Variants in ARHGEF26 observed in about 807,000 individuals in gnomAD.
ARHGEF26 encodes Rho guanine nucleotide exchange factor 26.
A neutral mutation model predicts 89.4 loss-of-function variants in ARHGEF26; 59 were observed. That is an observed-to-expected ratio of 0.66 (90% CI 0.54 to 0.82). The LOEUF is 0.82. Among genes scored for constraint, ARHGEF26 ranks in the 40% least tolerant of loss-of-function variants. The pLI, the probability that ARHGEF26 is intolerant of heterozygous loss-of-function variation, is 0.00. For missense variants in ARHGEF26, 1,234 were observed against 1,085.6 expected (o/e 1.14, Z -1.92); for synonymous variants, 500 against 428.4 (o/e 1.17, Z -2.06).
chr3:154,137,181 C>T (rs555853843), intron 4 of ARHGEF26, among the ~76,000 whole-genome samples: 7 of 152,180 alleles, frequency 4.6e-5, no homozygotes, highest in Admixed American at 1.3e-4. Context: ...GCTCTGCCTG[C>T]GTGAATAGAT....
At position 154,256,061 on chromosome 3, in the gene ARHGEF26, C is replaced by CTTTT; in HGVS notation, c.*590_*593dup. 1.0e-6 allele frequency: 1 copy of CTTTT among 985,284 alleles called. No individual in the cohort carries two copies. The allele number at this position is 985,284 out of a possible 1,614,324, so 61.0% of individuals were successfully genotyped here. On this transcript the variant is annotated 3_prime_UTR_variant, in exon 15 of 15. Coordinates refer to ENST00000465093, the MANE Select transcript of ARHGEF26 (RefSeq NM_015595.4). ...ACATTGACACTTGAATTTTTGTCAC[C>CTTTT]TTTTTCCTCATTAGAAGGAAAGTAG...
Position 154,256,561 on chromosome 3 carries a change from A to AAC in ARHGEF26, c.*1089_*1090insCA. 1.0e-6 allele frequency: 1 copy of AAC among 995,778 alleles called. No homozygotes were observed. Among genetic ancestry groups the AAC allele is most frequent in the Non-Finnish European group, 1.2e-6 (1 of 837,124 alleles). 61.7% of individuals were successfully genotyped at this position (995,778 alleles called of 1,614,324 possible). A position where few individuals can be genotyped will look rare whatever the true frequency, so the allele number is the denominator to read the frequency against. ...TTTCTAATTAATTAAAAAAAAAAAAAAAAAAAAAAAAAAACCTTCCCAAAT... is the reference window on the plus strand; with the variant it reads ...TTTCTAATTAATTAAAAAAAAAAAAAACAAAAAAAAAAAAAACCTTCCCAAAT... On this transcript the variant is annotated 3_prime_UTR_variant, in exon 15 of 15. Transcript: ENST00000465093.
At chr3:154,162,826 G>GGAAT (rs753010909) in intron 6 of ARHGEF26, among the ~76,000 whole-genome samples, 4 of 152,072 alleles carry the variant, frequency 2.6e-5, no homozygotes, top group African/African-American at 4.8e-5. Flanking sequence ...GCTTGGGAAA[G>GGAAT]GAATGAATGA....
chr3:154,229,192 T>C (rs1189615580), intron 11 of ARHGEF26, among the ~76,000 whole-genome samples: 2 of 152,092 alleles, frequency 1.3e-5, no homozygotes, highest in Non-Finnish European at 2.9e-5. Context: ...AAAAACAAGC[T>C]TATTTTAATT....
intron 4 of ARHGEF26, 138 bp downstream of exon 4, chr3:154,129,857 T>C (rs1478192268): frequency 5.8e-6 from 6 of 1,030,520 alleles, no homozygotes; most frequent in Non-Finnish European, 8.3e-6. Flanking sequence ...GTGAAATGTT[T>C]CTCGGAACTC....
chr3:154,161,296 G>GAAATGTAAAAAGCCTC (rs1711648697), intron 6 of ARHGEF26, among the ~76,000 whole-genome samples: 1 of 21,990 alleles, frequency 4.5e-5, no homozygotes, highest in South Asian at 1.9e-3. Flanking sequence ...TATTACAGCA[G>GAAATGTAAAAAGCCTC]AAATATAAAA....
intron 11 of ARHGEF26, among the ~76,000 whole-genome samples, chr3:154,235,213 G>A (rs1717048029): frequency 6.6e-6 from 1 of 152,030 alleles, no homozygotes; most frequent in Non-Finnish European, 1.5e-5. Flanking sequence ...ATTAATTTAG[G>A]AGGAATTGGT....
Position 154,147,959 on chromosome 3 carries a change from A to G in ARHGEF26, c.1270-1430A>G, listed in dbSNP as rs1719797207. On this transcript the variant is annotated intron_variant, in intron 4 of 14. Transcript: ENST00000465093. Reference sequence around the variant, plus strand: ...CTCCCCTCTTGGGTTTCATCTCTCCACCTTGATCAGTCTCTGAAATCTTCT... The same window carrying G: ...CTCCCCTCTTGGGTTTCATCTCTCCGCCTTGATCAGTCTCTGAAATCTTCT... Among the ~76,000 whole-genome samples, 3 of 151,594 alleles carry G rather than the reference A, an allele frequency of 2.0e-5. No homozygotes were observed. The South Asian group carries it at 6.2e-4, about 32-fold the overall frequency.
chr3:154,124,224 A>T (rs1009910992), intron 2 of ARHGEF26, among the ~76,000 whole-genome samples, 186 bp from the exon 3 acceptor site: 2 of 152,096 alleles, frequency 1.3e-5, no homozygotes, highest in African/African-American at 4.8e-5. Context: ...TGTTTCAGTG[A>T]ATTGTAGTGA....
chr3:154,209,960 C>T (rs1025833947), intron 9 of ARHGEF26, among the ~76,000 whole-genome samples: 2 of 152,196 alleles, frequency 1.3e-5, no homozygotes, highest in Non-Finnish European at 2.9e-5. Context: ...ACTCAAACCA[C>T]AAGATGCAGT....
intron 9 of ARHGEF26, among the ~76,000 whole-genome samples, chr3:154,209,071 G>A (rs1187949662): frequency 6.6e-6 from 1 of 151,914 alleles, no homozygotes; most frequent in African/African-American, 2.4e-5. Flanking sequence ...CTGGCCGCCA[G>A]TTGCATTTTT....
chr3:154,183,874 A>G (rs188508429), intron 6 of ARHGEF26, among the ~76,000 whole-genome samples: 1 of 152,344 alleles, frequency 6.6e-6, no homozygotes, highest in Admixed American at 6.5e-5. Flanking sequence ...TCAGGCTGGT[A>G]ACAGTGTAAG....
chr3:154,189,087 G>C (rs932083005), intron 7 of ARHGEF26, among the ~76,000 whole-genome samples: 2 of 152,036 alleles, frequency 1.3e-5, no homozygotes, highest in South Asian at 2.1e-4. Context: ...GGTGGGAACC[G>C]CTGCTATAGG....
intron 11 of ARHGEF26, among the ~76,000 whole-genome samples, chr3:154,237,079 A>T (rs1436012103): frequency 6.6e-6 from 1 of 152,176 alleles, no homozygotes; most frequent in Admixed American, 6.5e-5. Flanking sequence ...TTATCATTCA[A>T]ACTGGACATT....
chr3:154,185,689 T>G (rs1032100834), intron 6 of ARHGEF26, among the ~76,000 whole-genome samples: 1 of 152,160 alleles, frequency 6.6e-6, no homozygotes, highest in African/African-American at 2.4e-5. Context: ...GATTAAATCA[T>G]TGTTCCTTGG....
chr3:154,230,264 T>C (rs1461382030), intron 11 of ARHGEF26, among the ~76,000 whole-genome samples: 1 of 152,200 alleles, frequency 6.6e-6, no homozygotes, highest in Non-Finnish European at 1.5e-5. Context: ...GTCTCACAGT[T>C]CTGGAGGCCA....
At chr3:154,216,278 C>G (rs1576790379) in intron 9 of ARHGEF26, among the ~76,000 whole-genome samples, 1 of 150,932 alleles carries the variant, frequency 6.6e-6, no homozygotes, top group East Asian at 2.0e-4. Context: ...ACTTGAGATG[C>G]AAAATTTGTT....
intron 11 of ARHGEF26, among the ~76,000 whole-genome samples, chr3:154,234,271 T>G (rs540977093): frequency 6.6e-6 from 1 of 152,188 alleles, no homozygotes; most frequent in Non-Finnish European, 1.5e-5. Context: ...CTATCCTGGG[T>G]GCATCTTGGT....
intron 4 of ARHGEF26, among the ~76,000 whole-genome samples, chr3:154,130,051 G>C (rs1273512493): frequency 6.6e-6 from 1 of 151,256 alleles, no homozygotes; most frequent in Non-Finnish European, 1.5e-5. Context: ...ATATGCGTGT[G>C]TGTTTATGTA....
Sources: allele counts gnomAD v4.1 joint callset (sites outside exome capture counted in the v4.1 genomes callset), GRCh38; gene constraint gnomAD v4.1.1; transcripts MANE v1.5; gene names NCBI Gene and HGNC (gene_info 2026-07-23, HGNC 2026-07-21).